The following SPEN variants were observed in gnomAD, a reference collection of about 807,000 sequenced individuals.
SPEN encodes the protein spen family transcriptional repressor.
Under a neutral mutation model 269.9 loss-of-function variants are expected in SPEN, and 18 were observed. The observed-to-expected ratio is 0.07, with a 90% CI of 0.05 to 0.10. SPEN has a LOEUF of 0.10. SPEN is among the 10% of genes least tolerant of loss of function. The pLI, the probability that SPEN is intolerant of heterozygous loss-of-function variation, is 1.00. For synonymous variants in SPEN, 1,726 were observed against 1,765.7 expected (o/e 0.98, Z 0.56); for missense variants, 3,822 against 4,631.2 (o/e 0.83, Z 5.07).
chr1:15,888,290 G>A (rs1462114013), intron 3 of SPEN, among the ~76,000 whole-genome samples: 1 of 150,428 alleles, frequency 6.6e-6, no homozygotes, highest in African/African-American at 2.4e-5. Flanking sequence ...TGTTTGACTT[G>A]GAAGCAAACT....
At chr1:15,887,046 C>T (rs547274747) in intron 3 of SPEN, among the ~76,000 whole-genome samples, 16 of 148,804 alleles carry the variant, frequency 1.1e-4, no homozygotes, top group Non-Finnish European at 2.1e-4. Flanking sequence ...TGGTAATTTG[C>T]ACATTTGCAG....
intron 1 of SPEN, among the ~76,000 whole-genome samples, chr1:15,864,424 C>T (rs1370464963): frequency 6.7e-6 from 1 of 149,366 alleles, no homozygotes; most frequent in Non-Finnish European, 1.5e-5. Flanking sequence ...CCTGCCTTGG[C>T]TTCCCAAAGT....
chr1:15,887,552 C>T (rs1048324420), intron 3 of SPEN, among the ~76,000 whole-genome samples: 1 of 151,544 alleles, frequency 6.6e-6, no homozygotes. Context: ...GCCTCAGCCT[C>T]CCAAAGTGCT....
chr1:15,926,172 G>A (rs2148736635), intron 10 of SPEN, among the ~76,000 whole-genome samples: 1 of 152,276 alleles, frequency 6.6e-6, no homozygotes, highest in African/African-American at 2.4e-5. Flanking sequence ...GAGGCGGGCA[G>A]ATCACCAGAG....
At position 15,935,000 on chromosome 1, in the gene SPEN, C is replaced by A. The variant is rs1284389875; in HGVS notation, c.8760C>A (p.Ser2920=). The A allele has an allele frequency of 3.1e-6, 5 of 1,613,842 alleles. No individual in the cohort carries two copies. Among genetic ancestry groups the A allele is most frequent in the Non-Finnish European group, 3.4e-6 (4 of 1,179,990 alleles). ...EKPEPIHLSV[S]TPVTQGGTVK... ...CCGAGCCCATTCACCTCTCGGTGTCCACGCCTGTCACCCAGGGAGGCACAG... is the reference window on the plus strand; with the variant it reads ...CCGAGCCCATTCACCTCTCGGTGTCAACGCCTGTCACCCAGGGAGGCACAG... Residue 2920 remains serine, a synonymous_variant, in exon 11 of 15, where the codon TCC becomes TCA. Coordinates refer to ENST00000375759, the MANE Select transcript of SPEN (RefSeq NM_015001.3). This position sits in a 1 kb window ranked among gnomAD's most constrained non-coding sequence, Gnocchi z 9.2.
At chr1:15,852,220 G>A (rs983560203) in intron 1 of SPEN, among the ~76,000 whole-genome samples, 10 of 151,880 alleles carry the variant, frequency 6.6e-5, no homozygotes, top group East Asian at 1.9e-4. Flanking sequence ...TCATTGTTAC[G>A]TCGCTTCTTC....
At chr1:15,890,762 C>T (rs767657298) in intron 3 of SPEN, among the ~76,000 whole-genome samples, 1 of 152,108 alleles carries the variant, frequency 6.6e-6, no homozygotes, top group Non-Finnish European at 1.5e-5. Flanking sequence ...ACCTCATACC[C>T]GTTAGCAGTT....
intron 5 of SPEN, among the ~76,000 whole-genome samples, chr1:15,915,059 AC>A (rs1345094174): frequency 6.6e-6 from 1 of 152,218 alleles, no homozygotes; most frequent in African/African-American, 2.4e-5. Context: ...ATGAAGGTGG[AC>A]TATTTTCAGC....
At position 15,876,427 on chromosome 1, in the gene SPEN, A is replaced by C. The variant is rs758435384; in HGVS notation, c.630A>C (p.Thr210=). Residue 210 remains threonine (T), a synonymous_variant, in exon 3 of 15, where the codon ACA becomes ACC. Transcript: ENST00000375759. ...RYEPRAREQF[T]LPSVVHRDIY... is the part of the protein sequence containing the mutation. ...AACCTAGGGCTCGCGAGCAGTTTAC[A>C]CTGCCCAGTGTGGTACACAGGGATA... is the stretch of plus-strand genomic sequence containing the variant. 1 of 1,614,020 alleles carries C rather than the reference A, an allele frequency of 6.2e-7. No homozygotes were observed. Among genetic ancestry groups the C allele is most frequent in the East Asian group, 2.2e-5 (1 of 44,890 alleles).
Position 15,928,041 on chromosome 1 carries a change from A to C in SPEN, c.1851-50A>C. The stretch of plus-strand genomic sequence containing the variant: ...TGATTTCATATGTATGATTTTATGC[A>C]TAAGTGATGAGGAAACAAAAGAACT... On this transcript the variant is annotated intron_variant, in intron 10 of 14. Transcript: ENST00000375759. The surrounding 1 kb of genome is among the most constrained non-coding windows in gnomAD (Gnocchi z 5.7). 6.8e-7 allele frequency: 1 copy of C among 1,468,930 alleles called. No homozygotes were observed. Among genetic ancestry groups the C allele is most frequent in the Non-Finnish European group, 9.2e-7 (1 of 1,084,892 alleles). 91.0% of individuals were successfully genotyped at this position (1,468,930 alleles called of 1,614,324 possible).
chr1:15,919,195 CT>C (rs1159062684), intron 7 of SPEN, 144 bp downstream of exon 7: 33 of 783,258 alleles, frequency 4.2e-5, no homozygotes, highest in African/African-American at 7.0e-5. Context: ...CTTTGCATTC[CT>C]ATCCTATTAT....
chr1:15,912,182 A>G (rs1373750693), intron 5 of SPEN, among the ~76,000 whole-genome samples: 1 of 152,168 alleles, frequency 6.6e-6, no homozygotes. Flanking sequence ...AACCTGTTAT[A>G]AGGCAGGAAA....
At chr1:15,892,106 C>T (rs1302466301) in intron 3 of SPEN, among the ~76,000 whole-genome samples, 5 of 148,366 alleles carry the variant, frequency 3.4e-5, no homozygotes, top group East Asian at 2.0e-4. Context: ...CTGTAAGCTC[C>T]GCCTCCCCGG....
intron 3 of SPEN, among the ~76,000 whole-genome samples, chr1:15,894,268 T>TAA (rs1340542423): frequency 6.6e-6 from 1 of 152,190 alleles, no homozygotes; most frequent in Non-Finnish European, 1.5e-5. Context: ...TTTTGTCTCT[T>TAA]AAATAAAGAC....
At chr1:15,895,013 C>T (rs2070827169) in intron 3 of SPEN, among the ~76,000 whole-genome samples, 1 of 152,116 alleles carries the variant, frequency 6.6e-6, no homozygotes, top group African/African-American at 2.4e-5. Flanking sequence ...AACTCTGCCT[C>T]CCGGGTTCAA....
chr1:15,911,858 G>A (rs2071015215), intron 5 of SPEN, among the ~76,000 whole-genome samples: 1 of 152,256 alleles, frequency 6.6e-6, no homozygotes, highest in African/African-American at 2.4e-5. Context: ...CTACTTGGGA[G>A]GCTGAGGCGG....
In SPEN at chr1:15,919,470, G is replaced by C; in HGVS notation, c.1588G>C (p.Asp530His). 1 of 1,608,432 alleles carries C rather than the reference G, an allele frequency of 6.2e-7. No homozygotes were observed. Reference sequence around the variant, plus strand: ...AGATGGGCTTTCTTCGAATGTGTCAGATCAGTATTTAACACGACATTTCTG... The same window carrying C: ...AGATGGGCTTTCTTCGAATGTGTCACATCAGTATTTAACACGACATTTCTG... ...WLDGLSSNVS[D>H]QYLTRHFCRY... The change falls in exon 8 of 15, where the codon GAT becomes CAT. Residue 530 changes from aspartate to histidine, a missense_variant. Transcript: ENST00000375759.
chr1:15,855,073 A>G (rs1028266861), intron 1 of SPEN, among the ~76,000 whole-genome samples: 13 of 152,200 alleles, frequency 8.5e-5, no homozygotes, highest in Admixed American at 5.9e-4. Flanking sequence ...AAAGATTTGT[A>G]TTATATAGTT....
In SPEN at chr1:15,930,096, G is replaced by T. The variant is rs759358206; in HGVS notation, c.3856G>T (p.Gly1286Trp). The T allele has an allele frequency of 4.3e-6, 7 of 1,614,082 alleles. No individual in the cohort carries two copies. In the East Asian group the frequency reaches 1.3e-4, roughly 31 times the overall value. ...IGSPRLLSVKGSPKVDEKVLP... is the reference protein window; with the variant it reads ...IGSPRLLSVKWSPKVDEKVLP... ...CTCCCCTAGGCTACTGTCAGTAAAAGGGTCTCCTAAAGTAGATGAAAAAGT... is the reference window on the plus strand; with the variant it reads ...CTCCCCTAGGCTACTGTCAGTAAAATGGTCTCCTAAAGTAGATGAAAAAGT... The change falls in exon 11 of 15, where the codon GGG (glycine) becomes TGG (tryptophan). Residue 1286 changes from glycine (G) to tryptophan (W), a missense_variant. Transcript: ENST00000375759. This position sits in a 1 kb window ranked among gnomAD's most constrained non-coding sequence, Gnocchi z 5.3.
Sources: gnomAD v4.1 joint callset for allele counts (sites outside exome capture counted in the v4.1 genomes callset) on GRCh38, gnomAD v4.1.1 for gene constraint, Gnocchi (gnomAD v3.1) non-coding constraint, MANE v1.5 for transcripts, NCBI Gene and HGNC (gene_info 2026-07-23, HGNC 2026-07-21) for gene names.